CCBE1: variants seen among roughly 807,000 people sequenced by gnomAD.
CCBE1 encodes collagen and calcium binding EGF domains 1.
In CCBE1, 37 loss-of-function variants were observed where a neutral mutation model predicts 50.0. The observed-to-expected ratio is 0.74, with a 90% CI of 0.57 to 0.97. The LOEUF is 0.97. CCBE1 is among the 50% of genes least tolerant of loss of function. The pLI is 0.00. For missense variants in CCBE1, 538 were observed against 523.8 expected (o/e 1.03, Z -0.26); for synonymous variants, 234 against 203.7 (o/e 1.15, Z -1.27).
At chr18:59,526,095 A>C (rs1452464405) in intron 2 of CCBE1, among the ~76,000 whole-genome samples, 1 of 152,134 alleles carries the variant, frequency 6.6e-6, no homozygotes, top group Admixed American at 6.6e-5. Flanking sequence ...TATGAATTTT[A>C]AAGTAGTTTT....
At chr18:59,539,694 G>C (rs1166539043) in intron 2 of CCBE1, among the ~76,000 whole-genome samples, 2 of 152,134 alleles carry the variant, frequency 1.3e-5, no homozygotes, top group Non-Finnish European at 2.9e-5. Context: ...GGATGAATCT[G>C]ACCTTATCTT....
chr18:59,486,030 C>T (rs1413562295), intron 2 of CCBE1, among the ~76,000 whole-genome samples: 1 of 152,062 alleles, frequency 6.6e-6, no homozygotes, highest in Non-Finnish European at 1.5e-5. Context: ...AGAATTTTGG[C>T]TCTGACATTT....
chr18:59,475,053 A>G (rs1395894107), intron 3 of CCBE1, among the ~76,000 whole-genome samples: 1 of 152,150 alleles, frequency 6.6e-6, no homozygotes, highest in Non-Finnish European at 1.5e-5. Context: ...AGGAGGCAAG[A>G]TTAATGAATT....
intron 2 of CCBE1, among the ~76,000 whole-genome samples, chr18:59,598,117 C>T (rs1269747845): frequency 6.6e-6 from 1 of 152,160 alleles, no homozygotes; most frequent in African/African-American, 2.4e-5. Flanking sequence ...CCAGTGACAG[C>T]ACTGGTTAGG....
At position 59,513,618 on chromosome 18, in the gene CCBE1, C is replaced by T. The variant is rs549340980; in HGVS notation, c.213-33380G>A. 1.2e-4 allele frequency among the ~76,000 whole-genome samples: 18 copies of T among 152,300 alleles called. 1 individual carries two copies. The East Asian group carries it at 3.5e-3, about 29-fold the overall frequency. ...ACAGGGGTGATCTGCTGGGTGGGAA[C>T]TTTTGGTGGCAGAGATAGCCCATGA... On this transcript the variant is annotated intron_variant, in intron 2 of 10. Transcript: ENST00000439986.
In CCBE1 at chr18:59,449,462, A is replaced by G. The variant is rs533420993; in HGVS notation, c.655-1359T>C. Among the ~76,000 whole-genome samples the G allele has an allele frequency of 3.2e-4, 48 of 152,088 alleles. 1 individual carries two copies. Among genetic ancestry groups the G allele is most frequent in the African/African-American group, 1.1e-3 (45 of 41,466 alleles). ...CATGGTGGAACACTATCTCCACTAA[A>G]AATACAAAAATTAGCTAGGCATGGT... On this transcript the variant is annotated intron_variant, in intron 6 of 10. Coordinates refer to ENST00000439986, the MANE Select transcript of CCBE1 (RefSeq NM_133459.4).
intron 2 of CCBE1, among the ~76,000 whole-genome samples, chr18:59,610,288 C>T (rs932738759): frequency 1.1e-4 from 16 of 152,124 alleles, no homozygotes; most frequent in Non-Finnish European, 2.2e-4. Flanking sequence ...GATACAAAGT[C>T]ATTTATGTGT....
intron 2 of CCBE1, among the ~76,000 whole-genome samples, chr18:59,567,221 C>T (rs950761006): frequency 2.0e-5 from 3 of 151,844 alleles, no homozygotes; most frequent in Admixed American, 6.6e-5. Flanking sequence ...CAGGTTCAAG[C>T]GATTCTCCTG....
At chr18:59,517,705 C>T (rs900547877) in intron 2 of CCBE1, among the ~76,000 whole-genome samples, 1 of 152,186 alleles carries the variant, frequency 6.6e-6, no homozygotes, top group African/African-American at 2.4e-5. Flanking sequence ...AACCAGATGC[C>T]ACTAGCAGTG....
At chr18:59,605,479 T>A (rs1487242867) in intron 2 of CCBE1, among the ~76,000 whole-genome samples, 2 of 152,194 alleles carry the variant, frequency 1.3e-5, no homozygotes, top group East Asian at 3.9e-4. Flanking sequence ...TCATGCCAAG[T>A]GAGCCTGAAA....
chr18:59,504,534 C>T (rs1449746634), intron 2 of CCBE1, among the ~76,000 whole-genome samples: 1 of 152,080 alleles, frequency 6.6e-6, no homozygotes, highest in Non-Finnish European at 1.5e-5. Context: ...AATCCACTGA[C>T]AGTGTCTTTG....
intron 2 of CCBE1, among the ~76,000 whole-genome samples, chr18:59,505,322 C>A (rs141237903): frequency 1.7e-3 from 266 of 152,266 alleles, no homozygotes; most frequent in African/African-American, 6.2e-3. Context: ...GGACCAGGGA[C>A]GCCATCCTTG....
chr18:59,524,339 A>C (rs1201840684), intron 2 of CCBE1, among the ~76,000 whole-genome samples: 2 of 151,964 alleles, frequency 1.3e-5, no homozygotes, highest in Non-Finnish European at 2.9e-5. Flanking sequence ...ACAAAACAAA[A>C]CGAAAAACCC....
chr18:59,455,103 C>T, intron 5 of CCBE1, 152 bp from the exon 6 acceptor site: 1 of 707,660 alleles, frequency 1.4e-6, no homozygotes, highest in Non-Finnish European at 2.6e-6. Context: ...GCTCTCAGGT[C>T]CTGCCAGCAT....
intron 7 of CCBE1, among the ~76,000 whole-genome samples, chr18:59,447,006 C>T (rs1035752769): frequency 1.3e-5 from 2 of 152,128 alleles, no homozygotes; most frequent in African/African-American, 2.4e-5. Context: ...TGCTCTATAC[C>T]TCCATAAGTA....
intron 2 of CCBE1, among the ~76,000 whole-genome samples, chr18:59,627,251 C>T (rs1478977839): frequency 6.6e-6 from 1 of 152,088 alleles, no homozygotes; most frequent in Admixed American, 6.5e-5. Flanking sequence ...AGAATATAAT[C>T]TCATTTGAAA....
intron 6 of CCBE1, among the ~76,000 whole-genome samples, chr18:59,453,174 A>G (rs1911021837): frequency 6.6e-6 from 1 of 152,192 alleles, no homozygotes; most frequent in East Asian, 1.9e-4. Flanking sequence ...TAAATTCCCT[A>G]AGGCACACAG....
At chr18:59,596,162 T>A (rs1057269713) in intron 2 of CCBE1, among the ~76,000 whole-genome samples, 4 of 152,120 alleles carry the variant, frequency 2.6e-5, no homozygotes, top group Non-Finnish European at 4.4e-5. Context: ...CTCATCCCTA[T>A]AAAGGAAGCA....
chr18:59,654,868 C>T (rs550983593), intron 2 of CCBE1, among the ~76,000 whole-genome samples: 20 of 151,112 alleles, frequency 1.3e-4, no homozygotes, highest in African/African-American at 4.1e-4. Flanking sequence ...TTTGGGAGGC[C>T]GAGGCAGGTG....
Sources: gnomAD v4.1 joint callset for allele counts (sites outside exome capture counted in the v4.1 genomes callset) on GRCh38, gnomAD v4.1.1 for gene constraint, MANE v1.5 for transcripts, NCBI Gene and HGNC (gene_info 2026-07-23, HGNC 2026-07-21) for gene names.